TAFA1: variants seen among roughly 807,000 people sequenced by gnomAD.
TAFA1 encodes the protein TAFA chemokine like family member 1, also known as chemokine-like protein TAFA-1.
TAFA1 carries 4 observed loss-of-function variants against 18.5 expected under a neutral mutation model. The observed-to-expected ratio is 0.22, with a 90% CI of 0.11 to 0.49. TAFA1 has a LOEUF of 0.49. Ranked by LOEUF, TAFA1 falls within the 20% of genes least tolerant of loss-of-function variation. The pLI, the probability that TAFA1 is intolerant of heterozygous loss-of-function variation, is 0.98. For missense variants in TAFA1, 147 were observed against 169.0 expected, an observed-to-expected ratio of 0.87 and a Z score of 0.72; for synonymous variants, 56 against 55.2, an observed-to-expected ratio of 1.01 and a Z score of -0.06.
intron 2 of TAFA1, among the ~76,000 whole-genome samples, chr3:68,236,596 T>G (rs2066930025): frequency 6.6e-6 from 1 of 152,216 alleles, no homozygotes; most frequent in South Asian, 2.1e-4. Flanking sequence ...AAATGAAAGG[T>G]TGAGGTTGTT....
Position 68,125,421 on chromosome 3 carries a change from T to C in TAFA1, c.118+118677T>C, listed in dbSNP as rs192880106. ...TGCTCGTTGTTTTGAAAACTAACAT[T>C]TAAAACTCTTCAAAAAGCGAAAGTG... On this transcript the variant is annotated intron_variant, in intron 2 of 4. Transcript: ENST00000478136. Among the ~76,000 whole-genome samples the C allele has an allele frequency of 1.2e-3, 176 of 152,318 alleles. 2 individuals are homozygous for C. Among genetic ancestry groups the C allele is most frequent in the South Asian group, 2.3e-3 (11 of 4,820 alleles).
intron 2 of TAFA1, among the ~76,000 whole-genome samples, chr3:68,370,353 T>C (rs61673414): frequency 0.47 from 19,228 of 41,004 alleles, 5,314 homozygotes; most frequent in East Asian, 0.82. Flanking sequence ...TATATATATA[T>C]ACACACACAC....
chr3:68,392,751 A>G (rs2070290054), intron 2 of TAFA1, among the ~76,000 whole-genome samples: 2 of 152,214 alleles, frequency 1.3e-5, no homozygotes, highest in African/African-American at 2.4e-5. Context: ...CTGCTCCTGA[A>G]TGATTGCTAA....
chr3:68,499,487 A>G (rs1230646651), intron 3 of TAFA1, among the ~76,000 whole-genome samples: 1 of 143,496 alleles, frequency 7.0e-6, no homozygotes, highest in Non-Finnish European at 1.5e-5. Flanking sequence ...TACAAACTAA[A>G]ATTTCTGAAT....
chr3:68,026,669 A>G (rs1391646900), intron 2 of TAFA1, among the ~76,000 whole-genome samples: 1 of 152,124 alleles, frequency 6.6e-6, no homozygotes, highest in African/African-American at 2.4e-5. Flanking sequence ...CCAATGTCTC[A>G]CAGCTAGTAA....
the TAFA1 span, among the ~76,000 whole-genome samples, chr3:67,996,197 T>C: frequency 6.6e-6 from 1 of 152,112 alleles, no homozygotes; most frequent in African/African-American, 2.4e-5. Flanking sequence ...ACTGCCCAAA[T>C]GAATTAGTGA....
chr3:68,073,114 T>C (rs1013983348), intron 2 of TAFA1, among the ~76,000 whole-genome samples: 1 of 152,250 alleles, frequency 6.6e-6, no homozygotes, highest in African/African-American at 2.4e-5. Context: ...ATCCTTATTC[T>C]TGGTTAATTA....
At chr3:68,146,118 G>A (rs2065737254) in intron 2 of TAFA1, among the ~76,000 whole-genome samples, 1 of 152,182 alleles carries the variant, frequency 6.6e-6, no homozygotes, top group Non-Finnish European at 1.5e-5. Context: ...AACTTTGGAA[G>A]AGCTTGAGAA....
intron 2 of TAFA1, among the ~76,000 whole-genome samples, chr3:68,088,091 C>T (rs2064991957): frequency 6.6e-6 from 1 of 152,126 alleles, no homozygotes; most frequent in African/African-American, 2.4e-5. Flanking sequence ...CAGTCTTTAT[C>T]ATCAGTGACA....
At chr3:68,517,882 A>C (rs2072948425) in intron 3 of TAFA1, among the ~76,000 whole-genome samples, 1 of 152,074 alleles carries the variant, frequency 6.6e-6, no homozygotes, top group African/African-American at 2.4e-5. Flanking sequence ...TAAGCAGCAC[A>C]GTTCCTAAAA....
chr3:68,334,517 G>C (rs909282565), intron 2 of TAFA1, among the ~76,000 whole-genome samples: 1 of 152,136 alleles, frequency 6.6e-6, no homozygotes, highest in African/African-American at 2.4e-5. Context: ...TAGACTCTCA[G>C]TGTGTCTCAA....
intron 2 of TAFA1, among the ~76,000 whole-genome samples, chr3:68,328,870 G>T (rs924393261): frequency 1.4e-4 from 22 of 152,020 alleles, no homozygotes; most frequent in Admixed American, 3.9e-4. Flanking sequence ...AAGAAGAAAG[G>T]TGACTAGTGG....
In TAFA1 at chr3:68,116,651, G is replaced by A. The variant is rs538585745; in HGVS notation, c.118+109907G>A. On this transcript the variant is annotated intron_variant, in intron 2 of 4. Coordinates refer to ENST00000478136, the MANE Select transcript of TAFA1 (RefSeq NM_213609.4). ...CAGGTCATCAAAATTTGTCAATATC[G>A]CATGATACTATTTTGTTTACCTATT... Among the ~76,000 whole-genome samples, 10 of 152,182 alleles carry A rather than the reference G, an allele frequency of 6.6e-5. No individual in the cohort carries two copies. In the East Asian group the frequency reaches 7.7e-4, roughly 12 times the overall value.
At chr3:68,204,821 T>C (rs1475149162) in intron 2 of TAFA1, among the ~76,000 whole-genome samples, 3 of 152,010 alleles carry the variant, frequency 2.0e-5, no homozygotes, top group South Asian at 4.1e-4. Flanking sequence ...AGCGAGTTAA[T>C]GACTAATCTA....
chr3:68,157,086 T>C (rs900005686), intron 2 of TAFA1, among the ~76,000 whole-genome samples: 1 of 152,250 alleles, frequency 6.6e-6, no homozygotes, highest in Admixed American at 6.5e-5. Flanking sequence ...CAGATTGACT[T>C]AAACAATAGC....
At chr3:68,345,025 C>T (rs1189396203) in intron 2 of TAFA1, among the ~76,000 whole-genome samples, 1 of 127,356 alleles carries the variant, frequency 7.9e-6, no homozygotes, top group Non-Finnish European at 1.6e-5. Flanking sequence ...AGAGTGAGGC[C>T]CTATCTCAAA....
intron 2 of TAFA1, among the ~76,000 whole-genome samples, chr3:68,238,821 G>T (rs543325380): frequency 1.3e-5 from 2 of 152,004 alleles, no homozygotes; most frequent in African/African-American, 4.8e-5. Flanking sequence ...CATTTACACC[G>T]AATGAAAATG....
intron 2 of TAFA1, among the ~76,000 whole-genome samples, chr3:68,071,047 C>G (rs144102227): frequency 5.9e-4 from 90 of 152,360 alleles, no homozygotes; most frequent in African/African-American, 2.0e-3. Context: ...AAATTCACTT[C>G]CACATTTTCA....
intron 3 of TAFA1, among the ~76,000 whole-genome samples, chr3:68,485,738 A>G (rs896864267): frequency 1.3e-5 from 2 of 152,226 alleles, no homozygotes; most frequent in Admixed American, 1.3e-4. Flanking sequence ...ATGGTAGTTC[A>G]CCACTGATTT....
Sources: gnomAD v4.1 joint callset for allele counts (sites outside exome capture counted in the v4.1 genomes callset) on GRCh38, gnomAD v4.1.1 for gene constraint, MANE v1.5 for transcripts, NCBI Gene and HGNC (gene_info 2026-07-23, HGNC 2026-07-21) for gene names.